Variants in TBCD observed in about 807,000 individuals in gnomAD.
The protein encoded by TBCD is tubulin folding cofactor D.
In TBCD, 105 loss-of-function variants were observed where a neutral mutation model predicts 169.3. The ratio of observed to expected loss-of-function variants is 0.62; its 90% CI spans 0.53 to 0.73. The LOEUF is 0.73. Ranked by LOEUF, TBCD falls within the 30% of genes least tolerant of loss-of-function variation. TBCD has a pLI of 0.00. For synonymous variants in TBCD, 700 were observed against 643.9 expected (o/e 1.09, Z -1.32); for missense variants, 1,444 against 1,600.1 (o/e 0.90, Z 1.66).
chr17:82,909,336 A>G, intron 22 of TBCD, 29 bp downstream of exon 22: 1 of 1,512,840 alleles, frequency 6.6e-7, no homozygotes, highest in Non-Finnish European at 9.0e-7. Flanking sequence ...AAGTTCTTAT[A>G]TCTGTGTCCT....
intron 8 of TBCD, among the ~76,000 whole-genome samples, chr17:82,799,773 G>C (rs923703269): frequency 6.6e-6 from 1 of 152,240 alleles, no homozygotes; most frequent in African/African-American, 2.4e-5. Flanking sequence ...TTGGTGACGT[G>C]AACACAGACC....
Position 82,831,090 on chromosome 17 carries a change from GA to G in TBCD, c.1318+16158del. 6.2e-7 allele frequency: 1 copy of G among 1,614,232 alleles called. No homozygotes were observed. Among genetic ancestry groups the G allele is most frequent in the East Asian group, 2.2e-5 (1 of 44,880 alleles). On this transcript the variant is annotated intron_variant, in intron 13 of 38. Coordinates refer to ENST00000355528, the MANE Select transcript of TBCD (RefSeq NM_005993.5). The surrounding 1 kb of genome is among the most constrained non-coding windows in gnomAD (Gnocchi z 4.6). The stretch of plus-strand genomic sequence containing the variant: ...ATTCTGTGCTTTTCTTAACAGGCCT[GA>G]AGGCTGTGAGGCTTTGCTCTGGCGG...
chr17:82,767,068 G>A (rs1355661703), intron 4 of TBCD, among the ~76,000 whole-genome samples: 1 of 152,230 alleles, frequency 6.6e-6, no homozygotes, highest in Non-Finnish European at 1.5e-5. Context: ...AGCCAGCGAG[G>A]GACCTCATCA....
chr17:82,929,824 G>C (rs1400814967), intron 32 of TBCD: 2 of 487,012 alleles, frequency 4.1e-6, no homozygotes, highest in African/African-American at 3.9e-5. Flanking sequence ...GGGTACCTGG[G>C]CTCCATCAGG....
intron 14 of TBCD, among the ~76,000 whole-genome samples, chr17:82,883,119 T>C (rs2058483415): frequency 6.6e-6 from 1 of 152,264 alleles, no homozygotes; most frequent in Non-Finnish European, 1.5e-5. Flanking sequence ...CCCCCGTGCA[T>C]GTCCCCGGCG....
At chr17:82,901,036 G>T (rs1435087958) in intron 18 of TBCD, among the ~76,000 whole-genome samples, 1 of 152,240 alleles carries the variant, frequency 6.6e-6, no homozygotes, top group Non-Finnish European at 1.5e-5. Context: ...CTTGGAGGCG[G>T]ACTCTGCGTT....
At chr17:82,852,934 A>G (rs1034431623) in intron 13 of TBCD, among the ~76,000 whole-genome samples, 29 of 152,074 alleles carry the variant, frequency 1.9e-4, no homozygotes, top group African/African-American at 6.5e-4. Context: ...AGAGCTCAGA[A>G]CCGTGTCTGG....
chr17:82,770,615 A>AC (rs1261951969), intron 5 of TBCD, among the ~76,000 whole-genome samples: 1 of 151,850 alleles, frequency 6.6e-6, no homozygotes, highest in African/African-American at 2.4e-5. Flanking sequence ...AAAAAAAAAA[A>AC]AGTAGTATGG....
intron 21 of TBCD, 61 bp from the exon 22 acceptor site, chr17:82,909,224 A>T: frequency 7.8e-7 from 1 of 1,278,350 alleles, no homozygotes; most frequent in Non-Finnish European, 1.1e-6. Flanking sequence ...GACAGTTGTT[A>T]ACGTATACGT....
At chr17:82,839,685 A>C (rs2054301183) in intron 13 of TBCD, among the ~76,000 whole-genome samples, 1 of 152,186 alleles carries the variant, frequency 6.6e-6, no homozygotes, top group African/African-American at 2.4e-5. Context: ...GGGCAGAACA[A>C]GGAGTTAATT....
In TBCD at chr17:82,924,978, C is replaced by T. The variant is rs1247310580; in HGVS notation, c.2300C>T (p.Pro767Leu). Reference sequence around the variant, plus strand: ...CAGTACCTGGCTGAGCTTCGGAACCCCGAGGAGATGACTCGCTGTGGCTTC... The same window carrying T: ...CAGTACCTGGCTGAGCTTCGGAACCTCGAGGAGATGACTCGCTGTGGCTTC... ...ITQYLAELRN[P>L]EEMTRCGFSL... The change falls in exon 27 of 39, where the codon CCC becomes CTC. Residue 767 changes from proline to leucine, a missense_variant. Physicochemically the swap from Pro to Leu is moderately conservative, Grantham distance 98 (BLOSUM62 -3). Transcript: ENST00000355528. The T allele has an allele frequency of 6.3e-7, 1 of 1,575,024 alleles. No homozygotes were observed. Among genetic ancestry groups the T allele is most frequent in the East Asian group, 2.3e-5 (1 of 42,968 alleles).
chr17:82,904,321 C>G (rs994957220), intron 19 of TBCD, among the ~76,000 whole-genome samples: 12 of 150,886 alleles, frequency 8.0e-5, no homozygotes, highest in African/African-American at 2.9e-4. Flanking sequence ...GTGGCTTGCA[C>G]CTGCCACACG....
At chr17:82,823,711 A>G (rs2052598604) in intron 13 of TBCD, among the ~76,000 whole-genome samples, 3 of 152,190 alleles carry the variant, frequency 2.0e-5, no homozygotes, top group Admixed American at 2.0e-4. Context: ...TTCGTCTACC[A>G]TATAATTCAC....
chr17:82,882,180 C>A (rs1399161815), intron 14 of TBCD, among the ~76,000 whole-genome samples: 1 of 152,242 alleles, frequency 6.6e-6, no homozygotes, highest in African/African-American at 2.4e-5. Flanking sequence ...CTGGGGCCAG[C>A]TGTCCTGCTC....
At chr17:82,842,378 GCCCTCTCTCC>G (rs1283390502) in intron 13 of TBCD, among the ~76,000 whole-genome samples, 1 of 152,184 alleles carries the variant, frequency 6.6e-6, no homozygotes, top group African/African-American at 2.4e-5. Context: ...GTGGTTCTGT[GCCCTCTCTCC>G]CCCTCTCTCC....
intron 7 of TBCD, chr17:82,796,033 G>A (rs531874650): frequency 6.6e-6 from 1 of 152,388 alleles, no homozygotes; most frequent in South Asian, 2.1e-4. Flanking sequence ...GGCAAACTCT[G>A]TTCCCCACTG....
rs2058576070 is a variant in TBCD, at chr17:82,884,288, G to A, written c.1533+86G>A. 2.3e-6 allele frequency: 3 copies of A among 1,316,734 alleles called. No individual in the cohort carries two copies. The highest frequency in any genetic ancestry group is 2.5e-5 in the South Asian group (2 of 79,514). The allele number at this position is 1,316,734 out of a possible 1,614,324, so 81.6% of individuals were successfully genotyped here. ...GATGCTCCTCTGTGCACTGCTGCCT[G>A]GCCAGCTCACCCATCCACAGCAGGA... On this transcript the variant is annotated intron_variant, in intron 15 of 38. Transcript: ENST00000355528. This position sits in a 1 kb window ranked among gnomAD's most constrained non-coding sequence, Gnocchi z 4.2.
chr17:82,773,215 T>C (rs1208250069), intron 6 of TBCD, among the ~76,000 whole-genome samples: 1 of 152,206 alleles, frequency 6.6e-6, no homozygotes, highest in Non-Finnish European at 1.5e-5. Context: ...GGTCAGTGCC[T>C]CATGCAGCGT....
chr17:82,790,181 C>T (rs1396683396), intron 7 of TBCD, among the ~76,000 whole-genome samples: 1 of 152,154 alleles, frequency 6.6e-6, no homozygotes, highest in Non-Finnish European at 1.5e-5. Flanking sequence ...AGTGTTCCCT[C>T]TGGAGGCCCT....
Sources: allele counts gnomAD v4.1 joint callset (sites outside exome capture counted in the v4.1 genomes callset), GRCh38; gene constraint gnomAD v4.1.1; non-coding constraint Gnocchi (gnomAD v3.1); transcripts MANE v1.5; gene names NCBI Gene and HGNC (gene_info 2026-07-23, HGNC 2026-07-21).